Variants in ADAMTS16 observed in about 807,000 individuals in gnomAD.
ADAMTS16 encodes ADAM metallopeptidase with thrombospondin type 1 motif 16.
Under a neutral mutation model 145.8 loss-of-function variants are expected in ADAMTS16, and 94 were observed. That is an observed-to-expected ratio of 0.64 (90% CI 0.55 to 0.77). ADAMTS16 has a LOEUF of 0.77. Ranked by LOEUF, ADAMTS16 falls within the 30% of genes least tolerant of loss-of-function variation. The pLI is 0.00. For synonymous variants in ADAMTS16, 659 were observed against 604.3 expected (o/e 1.09, Z -1.33); for missense variants, 1,585 against 1,591.5 (o/e 1.00, Z 0.07).
chr5:5,140,565 G>T, intron 1 of ADAMTS16, 26 bp downstream of exon 1: 1 of 1,499,878 alleles, frequency 6.7e-7, no homozygotes, highest in Non-Finnish European at 8.8e-7. Flanking sequence ...TCCCACCAGC[G>T]CGGAAACCGC....
chr5:5,239,938 C>T lies in ADAMTS16; in HGVS notation c.2523+13C>T. 3.1e-6 allele frequency: 5 copies of T among 1,611,932 alleles called. No homozygotes were observed. Among genetic ancestry groups the T allele is most frequent in the Non-Finnish European group, 4.2e-6 (5 of 1,178,710 alleles). ...ACTGATTGTGGAGGTAAAGTCCAGC[C>T]TCTTGATTTTGGGGCTTGGATTTTG... On this transcript the variant is annotated intron_variant, in intron 16 of 22. Transcript: ENST00000274181.
At chr5:5,156,045 G>A (rs114143173) in intron 3 of ADAMTS16, among the ~76,000 whole-genome samples, 6,907 of 152,256 alleles carry the variant, frequency 0.045, 234 homozygotes, top group South Asian at 0.069. Flanking sequence ...TAGACAGTCC[G>A]CAGGGGCTAG....
At chr5:5,145,837 C>A (rs149522355) in intron 2 of ADAMTS16, among the ~76,000 whole-genome samples, 1 of 152,114 alleles carries the variant, frequency 6.6e-6, no homozygotes, top group Non-Finnish European at 1.5e-5. Flanking sequence ...AGGAGCATGC[C>A]CCTGAGTGGC....
chr5:5,316,598 C>A (rs1228502405), intron 21 of ADAMTS16, among the ~76,000 whole-genome samples: 2 of 152,178 alleles, frequency 1.3e-5, no homozygotes, highest in African/African-American at 4.8e-5. Flanking sequence ...TATGCCAGCT[C>A]ATGAAAGATA....
intron 8 of ADAMTS16, 31 bp downstream of exon 8, chr5:5,191,821 C>G: frequency 6.5e-7 from 1 of 1,546,416 alleles, no homozygotes; most frequent in Non-Finnish European, 8.8e-7. Flanking sequence ...GGATGGCATC[C>G]CGAGTTTTTT....
At chr5:5,273,619 T>A (rs957559764) in intron 18 of ADAMTS16, among the ~76,000 whole-genome samples, 10 of 152,248 alleles carry the variant, frequency 6.6e-5, no homozygotes, top group African/African-American at 2.4e-4. Context: ...GGCTTGAAAC[T>A]GTCTGATCAC....
At chr5:5,152,233 T>G (rs947960895) in intron 3 of ADAMTS16, among the ~76,000 whole-genome samples, 3 of 152,242 alleles carry the variant, frequency 2.0e-5, no homozygotes, top group African/African-American at 7.2e-5. Context: ...GACACCGAAT[T>G]GCAGATGGGA....
At chr5:5,295,644 G>T (rs1739499751) in intron 18 of ADAMTS16, among the ~76,000 whole-genome samples, 1 of 152,218 alleles carries the variant, frequency 6.6e-6, no homozygotes, top group South Asian at 2.1e-4. Flanking sequence ...CTAAAGAAGA[G>T]TTTCTAACAA....
chr5:5,202,051 C>T (rs76645357), intron 9 of ADAMTS16, among the ~76,000 whole-genome samples: 415 of 152,266 alleles, frequency 2.7e-3, no homozygotes, highest in East Asian at 0.024. Context: ...GTTGGTTTTA[C>T]TCCAGTGTAC....
intron 3 of ADAMTS16, among the ~76,000 whole-genome samples, chr5:5,156,373 T>A (rs1380603404): frequency 6.6e-6 from 1 of 152,184 alleles, no homozygotes; most frequent in Non-Finnish European, 1.5e-5. Flanking sequence ...GAATGAATGA[T>A]TTTTGCAATG....
chr5:5,281,690 G>A (rs1489595845), intron 18 of ADAMTS16, among the ~76,000 whole-genome samples: 2 of 152,098 alleles, frequency 1.3e-5, no homozygotes, highest in Non-Finnish European at 2.9e-5. Flanking sequence ...GCAGAGACTG[G>A]GGAGTTGGCC....
intron 3 of ADAMTS16, among the ~76,000 whole-genome samples, chr5:5,156,543 C>G (rs1734608955): frequency 6.6e-6 from 1 of 152,142 alleles, no homozygotes; most frequent in South Asian, 2.1e-4. Flanking sequence ...CAGGCTTATT[C>G]TTGTATGGGG....
At chr5:5,234,869 C>T (rs1290794820) in intron 12 of ADAMTS16, 145 bp from the exon 13 acceptor site, 4 of 56,504 alleles carry the variant, frequency 7.1e-5, no homozygotes, top group Non-Finnish European at 1.1e-4. Flanking sequence ...GACTCCATCT[C>T]AAAAAAAAAA....
chr5:5,314,133 A>G (rs1195256905), intron 21 of ADAMTS16, among the ~76,000 whole-genome samples: 2 of 152,206 alleles, frequency 1.3e-5, no homozygotes, highest in Non-Finnish European at 1.5e-5. Flanking sequence ...TGAAATGAGC[A>G]TGGACATTTG....
chr5:5,168,414 T>G (rs1422468803), intron 3 of ADAMTS16, among the ~76,000 whole-genome samples: 1 of 146,508 alleles, frequency 6.8e-6, no homozygotes, highest in African/African-American at 2.5e-5. Context: ...TTGCGGGTGG[T>G]CATTCTTTGC....
intron 9 of ADAMTS16, among the ~76,000 whole-genome samples, chr5:5,206,425 C>CA (rs1173829992): frequency 0.63 from 24,765 of 39,408 alleles, 8,640 homozygotes; most frequent in Admixed American, 0.74. Flanking sequence ...GACTCCGTCT[C>CA]AAAAAAAAAA....
intron 18 of ADAMTS16, among the ~76,000 whole-genome samples, chr5:5,298,514 G>A (rs1208493339): frequency 6.6e-6 from 1 of 152,158 alleles, no homozygotes; most frequent in Non-Finnish European, 1.5e-5. Flanking sequence ...TTGGCCACCT[G>A]CCAGACAGGC....
At chr5:5,146,557 G>C (rs1734303014) in intron 3 of ADAMTS16, 102 bp downstream of exon 3, 1 of 1,216,520 alleles carries the variant, frequency 8.2e-7, no homozygotes, top group Non-Finnish European at 1.1e-6. Context: ...TGTTCTTCTA[G>C]TACTGCAGCG....
At chr5:5,288,184 G>A (rs545177126) in intron 18 of ADAMTS16, among the ~76,000 whole-genome samples, 3 of 152,286 alleles carry the variant, frequency 2.0e-5, no homozygotes, top group East Asian at 1.9e-4. Flanking sequence ...CCAAGAAAAC[G>A]AAGAGCCGAA....
Sources: gnomAD v4.1 joint callset for allele counts (sites outside exome capture counted in the v4.1 genomes callset) on GRCh38, gnomAD v4.1.1 for gene constraint, MANE v1.5 for transcripts, NCBI Gene and HGNC (gene_info 2026-07-23, HGNC 2026-07-21) for gene names.